Variants in MTMR1 observed in about 807,000 individuals in gnomAD.
The protein encoded by MTMR1 is phosphatidylinositol-3-phosphate phosphatase MTMR1.
MTMR1 carries 17 observed loss-of-function variants against 51.6 expected under a neutral mutation model. The observed-to-expected ratio is 0.33, with a 90% CI of 0.23 to 0.49. The LOEUF (loss-of-function observed/expected upper bound fraction) is 0.49, where lower values mean the gene tolerates loss of function less well. Ranked by LOEUF, MTMR1 falls within the 20% of genes least tolerant of loss-of-function variation. The pLI is 0.99. For synonymous variants in MTMR1, 201 were observed against 205.6 expected, an observed-to-expected ratio of 0.98 and a Z score of 0.19; for missense variants, 386 against 526.9, an observed-to-expected ratio of 0.73 and a Z score of 2.62.
intron 1 of MTMR1, 57 bp from the exon 2 acceptor site, chrX:150,699,138 A>T: frequency 1.2e-6 from 1 of 807,663 alleles, no homozygotes; most frequent in African/African-American, 2.1e-5. Context: ...TTCAGTGCTA[A>T]TTTTTTCACT....
chrX:150,697,826 G>C (rs1442110578), intron 1 of MTMR1, among the ~76,000 whole-genome samples: 1 of 111,918 alleles, frequency 8.9e-6, no homozygotes, highest in Non-Finnish European at 1.9e-5. Flanking sequence ...AAAGCGGTTG[G>C]CTCGCATCTG....
intron 12 of MTMR1, among the ~76,000 whole-genome samples, chrX:150,739,235 C>A (rs1428680275): frequency 8.9e-6 from 1 of 112,943 alleles, no homozygotes; most frequent in Non-Finnish European, 1.9e-5. Flanking sequence ...GTGCCTTCCC[C>A]TCTCTTGCCT....
rs1311409495 is a variant in MTMR1 at position 150,764,467 on chromosome X, T to C, written c.*1738T>C. ...GAATGGATATACTGGATTATTGATA[T>C]ACTGATTTTTTTTTTAATGGGGACA... is the stretch of plus-strand genomic sequence containing the variant. On this transcript the variant is annotated 3_prime_UTR_variant, in exon 16 of 16. Coordinates refer to ENST00000445323, the MANE Select transcript of MTMR1 (RefSeq NM_001306144.3). 1 of 112,172 alleles carries C rather than the reference T, an allele frequency of 8.9e-6. No individual in the cohort carries two copies. The highest frequency in any genetic ancestry group is 1.9e-5 in the Non-Finnish European group (1 of 53,256). The allele number at this position is 112,172 out of a possible 1,213,427, so 9.2% of individuals were successfully genotyped here.
In MTMR1 at chrX:150,753,158, A is replaced by C. The variant is rs145035185; in HGVS notation, c.1680+2315A>C. ...AGCGTAATGTTTTCAAGGTTCATCT[A>C]TGCACCAATACATCCTTTTTATGGC... On this transcript the variant is annotated intron_variant, in intron 14 of 15. Coordinates refer to ENST00000445323, the MANE Select transcript of MTMR1 (RefSeq NM_001306144.3). 1.2e-3 allele frequency among the ~76,000 whole-genome samples: 133 copies of C among 112,551 alleles called. 1 individual carries two copies. The highest frequency in any genetic ancestry group is 4.2e-3 in the African/African-American group (129 of 31,006).
At chrX:150,749,823 A>G (rs1402294832) in intron 13 of MTMR1, among the ~76,000 whole-genome samples, 1 of 112,211 alleles carries the variant, frequency 8.9e-6, no homozygotes, top group East Asian at 2.8e-4. Flanking sequence ...TGCCAGGTTC[A>G]GCTTGCTCAT....
intron 1 of MTMR1, among the ~76,000 whole-genome samples, 159 bp downstream of exon 1, chrX:150,693,835 CG>C (rs1227588588): frequency 9.0e-6 from 1 of 110,552 alleles, no homozygotes; most frequent in Non-Finnish European, 1.9e-5. Flanking sequence ...CCCCCACCCC[CG>C]GAAACCTCAG....
At chrX:150,743,084 T>C (rs1179511200) in intron 12 of MTMR1, among the ~76,000 whole-genome samples, 3 of 111,053 alleles carry the variant, frequency 2.7e-5, no homozygotes, top group African/African-American at 9.8e-5. Context: ...GTGTGCTTGA[T>C]GCCACTGAAC....
intron 3 of MTMR1, among the ~76,000 whole-genome samples, chrX:150,717,335 G>C (rs2148591988): frequency 1.2e-5 from 1 of 80,718 alleles, no homozygotes; most frequent in Admixed American, 1.5e-4. Flanking sequence ...CTCTAGCCTG[G>C]CGACAGAGCG....
At chrX:150,727,448 C>A in intron 5 of MTMR1, 139 bp downstream of exon 5, 1 of 529,294 alleles carries the variant, frequency 1.9e-6, no homozygotes, top group Non-Finnish European at 3.0e-6. Context: ...CATTTGCAAA[C>A]AGATGTTTGT....
chrX:150,764,182 C>T lies in MTMR1; in HGVS notation c.*1453C>T, dbSNP rs1389992095. The T allele has an allele frequency of 1.8e-5, 2 of 112,589 alleles. No homozygotes were observed. Among genetic ancestry groups the T allele is most frequent in the African/African-American group, 6.5e-5 (2 of 30,966 alleles). The allele number at this position is 112,589 out of a possible 1,213,427, so 9.3% of individuals were successfully genotyped here. A position where few individuals can be genotyped will look rare whatever the true frequency, so the allele number is the denominator to read the frequency against. On this transcript the variant is annotated 3_prime_UTR_variant, in exon 16 of 16. Coordinates refer to ENST00000445323, the MANE Select transcript of MTMR1 (RefSeq NM_001306144.3). Reference sequence around the variant, plus strand: ...CAAACTACTGGATTCCAGGCAAAGGCCTACAGATTGACCTTATTATTTTTG... The same window carrying T: ...CAAACTACTGGATTCCAGGCAAAGGTCTACAGATTGACCTTATTATTTTTG...
At chrX:150,752,455 G>A (rs1557417629) in intron 14 of MTMR1, among the ~76,000 whole-genome samples, 1 of 110,943 alleles carries the variant, frequency 9.0e-6, no homozygotes, top group Non-Finnish European at 1.9e-5. Flanking sequence ...CCACACTCCT[G>A]CGGGCCCAGT....
chrX:150,732,519 T>C (rs373451563), intron 9 of MTMR1, 23 bp from the exon 10 acceptor site: 1 of 1,182,385 alleles, frequency 8.5e-7, no homozygotes, highest in African/African-American at 1.8e-5. Context: ...ACTGTACTAA[T>C]ATTTATTGCT....
At chrX:150,703,242 A>G (rs782279607) in intron 2 of MTMR1, among the ~76,000 whole-genome samples, 7 of 112,199 alleles carry the variant, frequency 6.2e-5, no homozygotes, top group Non-Finnish European at 1.1e-4. Flanking sequence ...AGTACAAACA[A>G]TATTGGTTAG....
chrX:150,732,425 T>C, intron 9 of MTMR1, 117 bp from the exon 10 acceptor site: 7 of 655,466 alleles, frequency 1.1e-5, no homozygotes, highest in African/African-American at 2.2e-5. Context: ...ACTCTCACTT[T>C]TGAAGAAAAT....
rs1324915829 is a variant in MTMR1, at chrX:150,763,680, T to TATC, written c.*953_*955dup. 1.8e-5 allele frequency: 2 copies of TATC among 112,988 alleles called. No homozygotes were observed. Among genetic ancestry groups the TATC allele is most frequent in the East Asian group, 2.8e-4 (1 of 3,595 alleles). The allele number at this position is 112,988 out of a possible 1,213,427, so 9.3% of individuals were successfully genotyped here. A position where few individuals can be genotyped will look rare whatever the true frequency, so the allele number is the denominator to read the frequency against. ...GCCTGTATGAAATCATTTCTCATTT[T>TATC]ATCACAATTCCTTCAACTCAGCTTA... On this transcript the variant is annotated 3_prime_UTR_variant, in exon 16 of 16. Transcript: ENST00000445323.
chrX:150,761,450 G>A (rs1305361028), intron 15 of MTMR1, among the ~76,000 whole-genome samples: 1 of 112,679 alleles, frequency 8.9e-6, no homozygotes, highest in African/African-American at 3.2e-5. Context: ...CGGTGGAACA[G>A]CTCAGTCTTT....
intron 1 of MTMR1, among the ~76,000 whole-genome samples, chrX:150,696,892 C>T (rs1053385361): frequency 1.8e-5 from 2 of 111,580 alleles, no homozygotes; most frequent in African/African-American, 6.5e-5. Context: ...CAAGTGGGAG[C>T]AGGTGGAGGA....
chrX:150,713,085 CCAATGAAGTAGTA>C (rs1311522226), intron 3 of MTMR1: 3 of 392,917 alleles, frequency 7.6e-6, no homozygotes, highest in Non-Finnish European at 1.0e-5. Context: ...CTTATTGAAG[CCAATGAAGTAGTA>C]CAAAAATAAG....
At chrX:150,746,271 A>G (rs896863741) in intron 13 of MTMR1, among the ~76,000 whole-genome samples, 1 of 111,733 alleles carries the variant, frequency 8.9e-6, no homozygotes, top group Non-Finnish European at 1.9e-5. Context: ...GTCTCACATG[A>G]TCTGATGGCC....
Sources: allele counts gnomAD v4.1 joint callset (sites outside exome capture counted in the v4.1 genomes callset), GRCh38; gene constraint gnomAD v4.1.1; transcripts MANE v1.5; gene names NCBI Gene and HGNC (gene_info 2026-07-23, HGNC 2026-07-21).